BRF1: variants seen among roughly 807,000 people sequenced by gnomAD.
The protein encoded by BRF1 is transcription factor IIIB 90 kDa subunit.
BRF1 carries 59 observed loss-of-function variants against 81.7 expected under a neutral mutation model. That is an observed-to-expected ratio of 0.72 (90% CI 0.59 to 0.90). The LOEUF (loss-of-function observed/expected upper bound fraction) is 0.90. BRF1 is among the 40% of genes least tolerant of loss of function. BRF1 has a pLI of 0.00. For missense variants in BRF1, 1,050 were observed against 936.3 expected, an observed-to-expected ratio of 1.12 and a Z score of -1.58; for synonymous variants, 491 against 395.6, an observed-to-expected ratio of 1.24 and a Z score of -2.86.
rs587665642 is a variant in BRF1, at chr14:105,219,205, C to T, written c.1405G>A (p.Val469Met). 6.2e-6 allele frequency: 10 copies of T among 1,612,622 alleles called. No individual in the cohort carries two copies. Among genetic ancestry groups the T allele is most frequent in the East Asian group, 4.5e-5 (2 of 44,828 alleles). ...TCCCTCATCCACAGCTCGGCCTTCA[C>T]GCGGGCTTCCGACTCATTCAGGATG... ...RYILNESEARVKAELWMRENA... is the reference protein window; with the variant it reads ...RYILNESEARMKAELWMRENA... The change falls in exon 13 of 18, where the codon GTG (valine) becomes ATG (methionine). Residue 469 changes from valine (V) to methionine (M), a missense_variant. Around this residue, in one of 2 missense-constraint regions of BRF1, gnomAD observed 1,043 missense variants for 915.4 expected, o/e 1.14. Transcript: ENST00000547530.
intron 10 of BRF1, among the ~76,000 whole-genome samples, chr14:105,224,672 C>G (rs1439508179): frequency 6.6e-6 from 1 of 152,154 alleles, no homozygotes. Context: ...CTCAGCCTCC[C>G]GAGGAGCTGG....
rs932135045 is a variant in BRF1, at chr14:105,248,596, C to A, written c.544+3911G>T. The A allele has an allele frequency of 8.4e-6, 8 of 948,374 alleles. No individual in the cohort carries two copies. The South Asian group carries it at 3.4e-4, about 40-fold the overall frequency. The allele number at this position is 948,374 out of a possible 1,614,324, so 58.7% of individuals were successfully genotyped here. ...GGGCGGGCGGGCGGGCGGGACGGCG[C>A]CCCCCGCGGCCGGGCCTGGCCGGGC... On this transcript the variant is annotated intron_variant, in intron 5 of 17. Coordinates refer to ENST00000547530, the MANE Select transcript of BRF1 (RefSeq NM_001519.4).
Position 105,229,512 on chromosome 14 carries a change from C to T in BRF1, c.695-599G>A, listed in dbSNP as rs149077740. On this transcript the variant is annotated intron_variant, in intron 6 of 17. Coordinates refer to ENST00000547530, the MANE Select transcript of BRF1 (RefSeq NM_001519.4). ...CCCTGCCGACCTGGGGCTCCAATTC[C>T]GGAGCTGGGGTAGTTGACCAGGCCA... Among the ~76,000 whole-genome samples the T allele has an allele frequency of 1.2e-3, 178 of 152,308 alleles. 1 individual carries two copies. The highest frequency in any genetic ancestry group is 2.6e-3 in the African/African-American group (107 of 41,566).
chr14:105,218,157 G>A (rs1202588304), intron 14 of BRF1, among the ~76,000 whole-genome samples: 4 of 152,186 alleles, frequency 2.6e-5, no homozygotes, highest in African/African-American at 2.4e-5. Context: ...TGCACTGTGA[G>A]GGCTGCAGCA....
At chr14:105,286,756 C>A (rs2057329941) in intron 1 of BRF1, among the ~76,000 whole-genome samples, 1 of 152,234 alleles carries the variant, frequency 6.6e-6, no homozygotes, top group African/African-American at 2.4e-5. Context: ...TAGGTGCCCG[C>A]CACCACGCCC....
intron 1 of BRF1, among the ~76,000 whole-genome samples, chr14:105,289,258 G>A (rs587602020): frequency 7.2e-5 from 11 of 152,156 alleles, no homozygotes; most frequent in South Asian, 4.1e-4. Flanking sequence ...CAGGCAGATC[G>A]TTTGAGTCCA....
At chr14:105,261,879 C>T in intron 3 of BRF1, among the ~76,000 whole-genome samples, 1 of 152,366 alleles carries the variant, frequency 6.6e-6, no homozygotes, top group East Asian at 1.9e-4. Flanking sequence ...GAATGATGCC[C>T]AGCACTGCAC....
intron 3 of BRF1, among the ~76,000 whole-genome samples, chr14:105,260,475 G>A (rs376650056): frequency 4.7e-4 from 71 of 151,908 alleles, no homozygotes; most frequent in Middle Eastern, 6.3e-3. Flanking sequence ...AGGTTCAAGC[G>A]ATTCTCCTGC....
At chr14:105,216,960 G>C (rs35486353) in intron 15 of BRF1, among the ~76,000 whole-genome samples, 3,753 of 152,282 alleles carry the variant, frequency 0.025, 88 homozygotes, top group Middle Eastern at 0.058. Context: ...CCATGGCCTC[G>C]TCAGGAGAGC....
At chr14:105,291,159 G>T (rs2140504897) in intron 1 of BRF1, among the ~76,000 whole-genome samples, 1 of 152,282 alleles carries the variant, frequency 6.6e-6, no homozygotes, top group East Asian at 1.9e-4. Flanking sequence ...CCTGTGTACA[G>T]CAAGGGAGGA....
In BRF1 at chr14:105,281,371, C is replaced by T. The variant is rs2057093610; in HGVS notation, c.265+4925G>A. On this transcript the variant is annotated intron_variant, in intron 2 of 17. Coordinates refer to ENST00000547530, the MANE Select transcript of BRF1 (RefSeq NM_001519.4). ...GTGTGCGGATACAGCCTGTGTGACC[C>T]TGAGCCCGGGTGTGTGGATACAGGC... Among the ~76,000 whole-genome samples the T allele has an allele frequency of 2.8e-5, 4 of 143,180 alleles. No individual in the cohort carries two copies. In the Admixed American group the frequency reaches 2.9e-4, roughly 10 times the overall value. 93.9% of individuals were successfully genotyped at this position (143,180 alleles called of 152,430 possible).
intron 5 of BRF1, chr14:105,250,237 CCA>C: frequency 6.2e-7 from 1 of 1,613,018 alleles, no homozygotes; most frequent in Non-Finnish European, 8.5e-7. Flanking sequence ...GCCACCGATT[CCA>C]GTCTTCTGCC....
chr14:105,286,067 T>C (rs3825762), intron 2 of BRF1, among the ~76,000 whole-genome samples: 45,347 of 152,154 alleles, frequency 0.3, 7,012 homozygotes, highest in African/African-American at 0.34. Flanking sequence ...GTGGATCCTG[T>C]GGGATCCACT....
chr14:105,241,042 G>A (rs939092150), intron 6 of BRF1, among the ~76,000 whole-genome samples: 2 of 152,234 alleles, frequency 1.3e-5, no homozygotes, highest in Non-Finnish European at 2.9e-5. Context: ...TGCCCTGAGA[G>A]TTCTGCCCCT....
intron 4 of BRF1, among the ~76,000 whole-genome samples, chr14:105,252,888 C>T (rs1444539256): frequency 6.6e-6 from 1 of 152,240 alleles, no homozygotes; most frequent in African/African-American, 2.4e-5. Flanking sequence ...ATTTCATTCA[C>T]AACTGCACAC....
At chr14:105,216,721 G>GA (rs900104257) in intron 15 of BRF1, among the ~76,000 whole-genome samples, 1 of 152,208 alleles carries the variant, frequency 6.6e-6, no homozygotes, top group East Asian at 1.9e-4. Flanking sequence ...CGGGGCTGCC[G>GA]AGAGTCAGCA....
Position 105,210,310 on chromosome 14 carries a change from T to G in BRF1, c.*241A>C. 1.8e-6 allele frequency: 1 copy of G among 551,478 alleles called. No homozygotes were observed. Among genetic ancestry groups the G allele is most frequent in the Non-Finnish European group, 3.3e-6 (1 of 306,056 alleles). The allele number at this position is 551,478 out of a possible 1,614,324, so 34.2% of individuals were successfully genotyped here. On this transcript the variant is annotated 3_prime_UTR_variant, in exon 18 of 18. Transcript: ENST00000547530. The surrounding 1 kb of genome is among the most constrained non-coding windows in gnomAD (Gnocchi z 4.7). The stretch of plus-strand genomic sequence containing the variant: ...GACGGCAGGCAGCGGGACCCAGCCC[T>G]GCACACACCCGGCCCACATCTGATC...
chr14:105,228,546 A>AG (rs1233999734), intron 7 of BRF1, among the ~76,000 whole-genome samples: 4 of 151,288 alleles, frequency 2.6e-5, no homozygotes, highest in Non-Finnish European at 5.9e-5. Context: ...TGTTCCTCAA[A>AG]AAAAAAAAAA....
Position 105,271,988 on chromosome 14 carries a change from C to T in BRF1, c.439+733G>A, listed in dbSNP as rs78226578. On this transcript the variant is annotated intron_variant, in intron 3 of 17. Transcript: ENST00000547530. The surrounding 1 kb of genome is among the most constrained non-coding windows in gnomAD (Gnocchi z 5.5). ...ACACCGCTGAGGGTCGGCGGCCTCC[C>T]CGCCCACCGCCTGCAGTCACGGTGT... Among the ~76,000 whole-genome samples, 4 of 800 alleles carry T rather than the reference C, an allele frequency of 5.0e-3. 1 individual carries two copies. Among genetic ancestry groups the T allele is most frequent in the South Asian group, 0.25 (1 of 4 alleles). The allele number at this position is 800 out of a possible 152,430, so 0.5% of individuals were successfully genotyped here.
Sources: allele counts gnomAD v4.1 joint callset (sites outside exome capture counted in the v4.1 genomes callset), GRCh38; gene constraint gnomAD v4.1.1; regional missense constraint gnomAD v4.1.1; non-coding constraint Gnocchi (gnomAD v3.1); transcripts MANE v1.5; gene names NCBI Gene and HGNC (gene_info 2026-07-23, HGNC 2026-07-21).